RASGEF1C: variants seen among roughly 807,000 people sequenced by gnomAD.
RASGEF1C encodes the protein ras-GEF domain-containing family member 1C.
Under a neutral mutation model 58.1 loss-of-function variants are expected in RASGEF1C, and 27 were observed. The ratio of observed to expected loss-of-function variants is 0.46; its 90% CI spans 0.34 to 0.64. The LOEUF (loss-of-function observed/expected upper bound fraction) is 0.64. Among genes scored for constraint, RASGEF1C ranks in the 30% least tolerant of loss-of-function variants. RASGEF1C has a pLI of 0.01. For synonymous variants in RASGEF1C, 243 were observed against 246.3 expected (o/e 0.99, Z 0.13); for missense variants, 502 against 605.1 (o/e 0.83, Z 1.79).
chr5:180,119,589 CT>C (rs1766132833), intron 7 of RASGEF1C, 141 bp from the exon 8 acceptor site: 1 of 665,514 alleles, frequency 1.5e-6, no homozygotes, highest in African/African-American at 1.8e-5. Context: ...TAAACAGGGT[CT>C]CAGAGTGCTT....
At chr5:180,184,848 A>G (rs949205305) in intron 1 of RASGEF1C, among the ~76,000 whole-genome samples, 3 of 152,260 alleles carry the variant, frequency 2.0e-5, no homozygotes, top group Non-Finnish European at 4.4e-5. Flanking sequence ...TAAAGATGAT[A>G]TAACCATCTT....
At chr5:180,128,358 T>C in intron 5 of RASGEF1C, 52 bp downstream of exon 5, 4 of 1,510,764 alleles carry the variant, frequency 2.6e-6, no homozygotes, top group African/African-American at 1.4e-5. Flanking sequence ...ACAGTGTATC[T>C]GTGTGTGTCC....
chr5:180,186,966 C>CA (rs1450427845), intron 1 of RASGEF1C, among the ~76,000 whole-genome samples: 10 of 151,984 alleles, frequency 6.6e-5, no homozygotes, highest in African/African-American at 2.2e-4. Context: ...AACAAACAAA[C>CA]AAACAAAACA....
intron 1 of RASGEF1C, among the ~76,000 whole-genome samples, chr5:180,152,516 G>T (rs1301135940): frequency 1.5e-5 from 2 of 133,944 alleles, no homozygotes; most frequent in Non-Finnish European, 3.1e-5. Context: ...TGAACAATGA[G>T]AACACATGGA....
intron 6 of RASGEF1C, among the ~76,000 whole-genome samples, chr5:180,121,535 C>A (rs570263494): frequency 3.9e-5 from 6 of 151,960 alleles, no homozygotes; most frequent in South Asian, 2.1e-4. Flanking sequence ...GGATGGTCTC[C>A]ATCTCCTGAC....
At position 180,155,964 on chromosome 5, in the gene RASGEF1C, C is replaced by T. The variant is rs1766842075; in HGVS notation, c.-6-17906G>A. On this transcript the variant is annotated intron_variant, in intron 1 of 13. Coordinates refer to ENST00000361132, the MANE Select transcript of RASGEF1C (RefSeq NM_175062.4). The surrounding 1 kb of genome is among the most constrained non-coding windows in gnomAD (Gnocchi z 5.2). ...ACCAGGTTATCCAATTAGAGCAAAGCCTGGGCTTTGCTTCGAGACAATTAC... is the reference window on the plus strand; with the variant it reads ...ACCAGGTTATCCAATTAGAGCAAAGTCTGGGCTTTGCTTCGAGACAATTAC... Among the ~76,000 whole-genome samples the T allele has an allele frequency of 6.6e-6, 1 of 152,120 alleles. No individual in the cohort carries two copies. Among genetic ancestry groups the T allele is most frequent in the South Asian group, 2.1e-4 (1 of 4,822 alleles).
At chr5:180,160,927 G>A (rs570074047) in intron 1 of RASGEF1C, among the ~76,000 whole-genome samples, 1 of 152,212 alleles carries the variant, frequency 6.6e-6, no homozygotes, top group Non-Finnish European at 1.5e-5. Context: ...GGCAATATTA[G>A]GGAAACGTGT....
At chr5:180,202,117 ATC>A (rs1756405356) in intron 1 of RASGEF1C, among the ~76,000 whole-genome samples, 1 of 152,232 alleles carries the variant, frequency 6.6e-6, no homozygotes, top group Admixed American at 6.5e-5. Context: ...GGAAAAGACC[ATC>A]ATCTCAGAAA....
Position 180,113,270 on chromosome 5 carries a change from GGATGGACGGAGGGATCCA to G in RASGEF1C, c.1179+1158_1179+1175del, listed in dbSNP as rs1198729015. On this transcript the variant is annotated intron_variant, in intron 11 of 13. Transcript: ENST00000361132. ...GACCGAGGATGGACGGAGGGACCGAGGATGGACGGAGGGATCCAGGATGGACGGAGGGACCGGGGATGG... is the reference window on the plus strand; with the variant it reads ...GACCGAGGATGGACGGAGGGACCGAGGGATGGACGGAGGGACCGGGGATGG... Among the ~76,000 whole-genome samples, 68 of 87,740 alleles carry G rather than the reference GGATGGACGGAGGGATCCA, an allele frequency of 7.8e-4. 3 individuals are homozygous for G. The highest frequency in any genetic ancestry group is 2.7e-3 in the African/African-American group (60 of 22,328). The allele number at this position is 87,740 out of a possible 152,430, so 57.6% of individuals were successfully genotyped here.
At chr5:180,153,868 G>A (rs956077308) in intron 1 of RASGEF1C, among the ~76,000 whole-genome samples, 2 of 152,190 alleles carry the variant, frequency 1.3e-5, no homozygotes, top group African/African-American at 2.4e-5. Context: ...AGGGTGAGGT[G>A]TGCTCTGGAA....
chr5:180,182,180 G>A (rs1436270932), intron 1 of RASGEF1C, among the ~76,000 whole-genome samples: 5 of 126,320 alleles, frequency 4.0e-5, no homozygotes, highest in Non-Finnish European at 7.9e-5. Context: ...ACTCCAGCCT[G>A]GGCAACAGAG....
At chr5:180,120,650 G>A (rs571707196) in intron 7 of RASGEF1C, among the ~76,000 whole-genome samples, 2 of 152,286 alleles carry the variant, frequency 1.3e-5, no homozygotes, top group South Asian at 2.1e-4. Context: ...CTAGAACCAC[G>A]GGCTTTTACG....
At chr5:180,127,778 C>T in intron 5 of RASGEF1C, 95 bp from the exon 6 acceptor site, 1 of 1,154,816 alleles carries the variant, frequency 8.7e-7, no homozygotes, top group Admixed American at 2.5e-5. Context: ...CCCTAGTCCT[C>T]CTCACAACAG....
intron 7 of RASGEF1C, 47 bp downstream of exon 7, chr5:180,121,013 C>T: frequency 7.0e-7 from 1 of 1,437,780 alleles, no homozygotes; most frequent in Non-Finnish European, 9.8e-7. Context: ...CCAACTCCGG[C>T]CGCCTGGGGC....
intron 1 of RASGEF1C, among the ~76,000 whole-genome samples, chr5:180,184,766 T>C (rs1490568999): frequency 2.0e-5 from 3 of 152,214 alleles, no homozygotes; most frequent in Non-Finnish European, 1.5e-5. Flanking sequence ...TCTATATGAT[T>C]ATCGGAATAG....
chr5:180,146,980 A>T (rs1766669570), intron 1 of RASGEF1C, among the ~76,000 whole-genome samples: 1 of 151,642 alleles, frequency 6.6e-6, no homozygotes, highest in Non-Finnish European at 1.5e-5. Context: ...TACTAATTAA[A>T]CCTCATTATT....
Position 180,177,167 on chromosome 5 carries a change from G to C in RASGEF1C, c.-7+31861C>G, listed in dbSNP as rs952699900. Among the ~76,000 whole-genome samples, 56 of 152,162 alleles carry C rather than the reference G, an allele frequency of 3.7e-4. No individual in the cohort carries two copies. Among genetic ancestry groups the C allele is most frequent in the African/African-American group, 1.2e-3 (48 of 41,448 alleles). On this transcript the variant is annotated intron_variant, in intron 1 of 13. Coordinates refer to ENST00000361132, the MANE Select transcript of RASGEF1C (RefSeq NM_175062.4). The surrounding 1 kb of genome is among the most constrained non-coding windows in gnomAD (Gnocchi z 5.0). ...GGGCTGGATGAGGGGCAGTGGGATG[G>C]GGGGCTGGCTGGGCTACTTCCAGAA...
chr5:180,134,997 G>A (rs1212067580), intron 4 of RASGEF1C, among the ~76,000 whole-genome samples: 2 of 149,320 alleles, frequency 1.3e-5, no homozygotes, highest in East Asian at 2.0e-4. Flanking sequence ...GTAGCCAAAT[G>A]TCTTCCCAGC....
Position 180,122,045 on chromosome 5 carries a change from G to A in RASGEF1C, c.715-896C>T, listed in dbSNP as rs534506748. Among the ~76,000 whole-genome samples the A allele has an allele frequency of 3.3e-4, 50 of 152,288 alleles. 1 individual carries two copies. Among genetic ancestry groups the A allele is most frequent in the African/African-American group, 1.2e-3 (49 of 41,540 alleles). On this transcript the variant is annotated intron_variant, in intron 6 of 13. Transcript: ENST00000361132. Reference sequence around the variant, plus strand: ...ATGTGTGTGACATCAGCATTCAGCTGTGAGTAACAGCACTGTTAGCCATGA... The same window carrying A: ...ATGTGTGTGACATCAGCATTCAGCTATGAGTAACAGCACTGTTAGCCATGA...
Sources: gnomAD v4.1 joint callset for allele counts (sites outside exome capture counted in the v4.1 genomes callset) on GRCh38, gnomAD v4.1.1 for gene constraint, Gnocchi (gnomAD v3.1) non-coding constraint, MANE v1.5 for transcripts, NCBI Gene and HGNC (gene_info 2026-07-23, HGNC 2026-07-21) for gene names.